The following CNTLN variants were observed in gnomAD, a reference collection of about 807,000 sequenced individuals.
CNTLN encodes centlein, centrosomal protein.
In CNTLN, 212 loss-of-function variants were observed where a neutral mutation model predicts 180.0. The observed-to-expected ratio is 1.18, with a 90% CI of 1.05 to 1.32. The LOEUF is 1.32. Among genes scored for constraint, CNTLN ranks in the 40% most tolerant of loss-of-function variants. The probability of loss-of-function intolerance (pLI) is 0.00; values close to 1 mark genes in which losing one functional copy is unlikely to be tolerated. For missense variants in CNTLN, 2,095 were observed against 1,610.9 expected, an observed-to-expected ratio of 1.30 and a Z score of -5.14; for synonymous variants, 722 against 563.1, an observed-to-expected ratio of 1.28 and a Z score of -3.99.
intron 11 of CNTLN, among the ~76,000 whole-genome samples, chr9:17,341,339 G>T (rs1821467737): frequency 6.6e-6 from 1 of 152,088 alleles, no homozygotes; most frequent in South Asian, 2.1e-4. Flanking sequence ...AAATTTTAGT[G>T]GAAAGACTAG....
At chr9:17,154,425 G>A (rs1423980867) in intron 2 of CNTLN, among the ~76,000 whole-genome samples, 1 of 152,190 alleles carries the variant, frequency 6.6e-6, no homozygotes, top group Non-Finnish European at 1.5e-5. Flanking sequence ...GAGTTTGCTG[G>A]AGGTCCACTC....
chr9:17,232,752 G>A (rs1265949968), intron 3 of CNTLN, among the ~76,000 whole-genome samples: 2 of 151,904 alleles, frequency 1.3e-5, no homozygotes, highest in African/African-American at 2.4e-5. Context: ...AGTTTGTTGT[G>A]TATCAAATGT....
chr9:17,236,748 AATTG>A (rs1211524619), intron 5 of CNTLN, among the ~76,000 whole-genome samples, 160 bp downstream of exon 5: 2 of 152,186 alleles, frequency 1.3e-5, no homozygotes, highest in Non-Finnish European at 2.9e-5. Flanking sequence ...GCTTTTTAAA[AATTG>A]ATGTTGCAAA....
At chr9:17,421,649 C>T (rs1455693733) in intron 18 of CNTLN, among the ~76,000 whole-genome samples, 1 of 151,996 alleles carries the variant, frequency 6.6e-6, no homozygotes, top group Non-Finnish European at 1.5e-5. Context: ...TCTCTTTCAT[C>T]CTTCCTATTT....
intron 3 of CNTLN, among the ~76,000 whole-genome samples, chr9:17,234,151 C>T (rs558197523): frequency 1.6e-4 from 24 of 152,130 alleles, no homozygotes; most frequent in Non-Finnish European, 2.5e-4. Flanking sequence ...ATTAATATTA[C>T]ACTTTTAAAA....
intron 12 of CNTLN, among the ~76,000 whole-genome samples, chr9:17,360,154 A>G (rs1343212116): frequency 6.6e-6 from 1 of 152,212 alleles, no homozygotes; most frequent in Non-Finnish European, 1.5e-5. Context: ...TAAGTTCAAA[A>G]TAATTCCTAG....
chr9:17,207,674 T>G (rs1343254138), intron 2 of CNTLN, among the ~76,000 whole-genome samples: 1 of 152,030 alleles, frequency 6.6e-6, no homozygotes, highest in Non-Finnish European at 1.5e-5. Flanking sequence ...TTGTACCTAC[T>G]GCTTAACCAG....
intron 6 of CNTLN, among the ~76,000 whole-genome samples, chr9:17,276,742 T>C (rs372709029): frequency 2.6e-5 from 4 of 152,264 alleles, no homozygotes; most frequent in East Asian, 1.9e-4. Context: ...ACATAACTTA[T>C]GTGCATCCTC....
chr9:17,438,994 T>G (rs1829950104), intron 18 of CNTLN, among the ~76,000 whole-genome samples: 1 of 152,122 alleles, frequency 6.6e-6, no homozygotes, highest in Admixed American at 6.5e-5. Flanking sequence ...ACTTTATCAT[T>G]CTCTATGCCA....
chr9:17,334,791 CCTT>C (rs1371352044), intron 10 of CNTLN, among the ~76,000 whole-genome samples: 1 of 151,872 alleles, frequency 6.6e-6, no homozygotes, highest in Non-Finnish European at 1.5e-5. Flanking sequence ...GGGCTATAAA[CCTT>C]CTTATTGGGT....
intron 2 of CNTLN, among the ~76,000 whole-genome samples, chr9:17,150,844 T>G (rs1170362948): frequency 2.0e-5 from 3 of 152,172 alleles, no homozygotes; most frequent in Admixed American, 6.5e-5. Flanking sequence ...GGTTTGTAGT[T>G]CTCCTTGAAC....
intron 12 of CNTLN, among the ~76,000 whole-genome samples, chr9:17,361,871 A>AT (rs1423206814): frequency 1.3e-5 from 2 of 152,202 alleles, no homozygotes; most frequent in Non-Finnish European, 2.9e-5. Flanking sequence ...TAAGAAATAG[A>AT]TTTTAAATTG....
chr9:17,357,279 T>C (rs1205770798), intron 12 of CNTLN, among the ~76,000 whole-genome samples: 2 of 151,896 alleles, frequency 1.3e-5, no homozygotes, highest in Non-Finnish European at 2.9e-5. Flanking sequence ...TTTTTCCATG[T>C]TCCAGCTTTT....
intron 23 of CNTLN, among the ~76,000 whole-genome samples, chr9:17,472,825 G>C (rs1186795578): frequency 6.6e-6 from 1 of 151,818 alleles, no homozygotes. Context: ...TTTATTCTTT[G>C]ACCACTATTT....
intron 18 of CNTLN, among the ~76,000 whole-genome samples, chr9:17,424,376 G>C (rs916605248): frequency 6.6e-6 from 1 of 152,050 alleles, no homozygotes; most frequent in African/African-American, 2.4e-5. Context: ...AGACTAACAG[G>C]ATGTAAATGC....
At chr9:17,367,205 A>G (rs1823901429) in intron 13 of CNTLN, among the ~76,000 whole-genome samples, 1 of 152,182 alleles carries the variant, frequency 6.6e-6, no homozygotes, top group South Asian at 2.1e-4. Context: ...GAATGCAGTG[A>G]CTGTTGGACT....
chr9:17,275,912 A>G (rs1828279695), intron 6 of CNTLN, among the ~76,000 whole-genome samples: 1 of 152,108 alleles, frequency 6.6e-6, no homozygotes, highest in African/African-American at 2.4e-5. Flanking sequence ...GTTCTCACTT[A>G]TAAGTGAGAG....
At chr9:17,476,693 C>A (rs147700550) in intron 23 of CNTLN, among the ~76,000 whole-genome samples, 1 of 152,260 alleles carries the variant, frequency 6.6e-6, no homozygotes, top group Non-Finnish European at 1.5e-5. Flanking sequence ...GTCTTCAGTT[C>A]TTCAAAGGAT....
intron 2 of CNTLN, among the ~76,000 whole-genome samples, chr9:17,224,969 C>T (rs1298551084): frequency 6.6e-6 from 1 of 151,746 alleles, no homozygotes; most frequent in Non-Finnish European, 1.5e-5. Context: ...TCTTTCTCCA[C>T]CACCACGTCC....
Sources: gnomAD v4.1 joint callset for allele counts (sites outside exome capture counted in the v4.1 genomes callset) on GRCh38, gnomAD v4.1.1 for gene constraint, MANE v1.5 for transcripts, NCBI Gene and HGNC (gene_info 2026-07-23, HGNC 2026-07-21) for gene names.